The following DPP10 variants were observed in gnomAD, a reference collection of about 807,000 sequenced individuals.
DPP10 encodes the protein dipeptidyl peptidase like 10.
DPP10 carries 33 observed loss-of-function variants against 120.9 expected under a neutral mutation model. That is an observed-to-expected ratio of 0.27 (90% confidence interval 0.21 to 0.37). The LOEUF (loss-of-function observed/expected upper bound fraction) is 0.37, where lower values mean the gene tolerates loss of function less well. Among genes scored for constraint, DPP10 ranks in the 10% least tolerant of loss-of-function variants. The probability of loss-of-function intolerance (pLI) is 1.00; values close to 1 mark genes in which losing one functional copy is unlikely to be tolerated. For missense variants in DPP10, 816 were observed against 942.8 expected (o/e 0.87, Z 1.76); for synonymous variants, 337 against 326.1 (o/e 1.03, Z -0.36).
At chr2:115,289,875 A>G (rs2060583301) in intron 1 of DPP10, among the ~76,000 whole-genome samples, 1 of 152,162 alleles carries the variant, frequency 6.6e-6, no homozygotes, top group Non-Finnish European at 1.5e-5. Flanking sequence ...TAAACCTAAG[A>G]CCTGAAACCT....
chr2:115,736,966 T>C (rs1201946289), intron 8 of DPP10, among the ~76,000 whole-genome samples: 1 of 152,164 alleles, frequency 6.6e-6, no homozygotes, highest in Non-Finnish European at 1.5e-5. Flanking sequence ...GATGTTTCCA[T>C]GCCTGAAACT....
chr2:115,381,888 C>T (rs1231545137), intron 3 of DPP10, among the ~76,000 whole-genome samples: 1 of 147,598 alleles, frequency 6.8e-6, no homozygotes, highest in Non-Finnish European at 1.5e-5. Context: ...CAGGGACCCA[C>T]TTGAGGAGGC....
chr2:114,974,184 A>C (rs1284346732), intron 1 of DPP10, among the ~76,000 whole-genome samples: 1 of 152,134 alleles, frequency 6.6e-6, no homozygotes, highest in African/African-American at 2.4e-5. Context: ...CCTCTCGTTC[A>C]CTCACAACTT....
intron 3 of DPP10, among the ~76,000 whole-genome samples, chr2:115,409,203 A>G (rs2068752759): frequency 6.6e-6 from 1 of 152,202 alleles, no homozygotes; most frequent in Non-Finnish European, 1.5e-5. Context: ...CTTTATTCCA[A>G]TAACTGTGAA....
chr2:114,658,794 C>G (rs1183845687), intron 1 of DPP10, among the ~76,000 whole-genome samples: 1 of 152,140 alleles, frequency 6.6e-6, no homozygotes, highest in Admixed American at 6.5e-5. Context: ...ATTATATCTT[C>G]TGGAATGTGA....
chr2:114,778,816 G>A (rs1682002554), intron 1 of DPP10, among the ~76,000 whole-genome samples: 1 of 152,026 alleles, frequency 6.6e-6, no homozygotes, highest in African/African-American at 2.4e-5. Flanking sequence ...GATTTGATGA[G>A]TCTTGCCAGC....
rs151077182 is a variant in DPP10, at chr2:114,777,535, A to G, written c.60+334697A>G. Among the ~76,000 whole-genome samples the G allele has an allele frequency of 6.4e-3, 974 of 152,242 alleles. 17 individuals are homozygous for G. Among genetic ancestry groups the G allele is most frequent in the African/African-American group, 0.021 (880 of 41,568 alleles). On this transcript the variant is annotated intron_variant, in intron 1 of 25. Coordinates refer to ENST00000410059, the MANE Select transcript of DPP10 (RefSeq NM_020868.6). ...TATGCCACTTGTTACAGTCATAAAC[A>G]GCAAGGAAAGAAGGAAGTTTGACCA...
intron 1 of DPP10, among the ~76,000 whole-genome samples, chr2:114,617,614 T>G (rs943783136): frequency 1.3e-5 from 2 of 152,062 alleles, no homozygotes; most frequent in Non-Finnish European, 2.9e-5. Flanking sequence ...TTGTTTTTAG[T>G]GTTCTCCAAT....
intron 1 of DPP10, among the ~76,000 whole-genome samples, chr2:115,246,276 G>A (rs140717293): frequency 6.6e-6 from 1 of 152,178 alleles, no homozygotes; most frequent in African/African-American, 2.4e-5. Flanking sequence ...CTGGCTAGAC[G>A]ACAATAATGA....
chr2:115,464,814 G>A (rs1042553856), intron 3 of DPP10, among the ~76,000 whole-genome samples: 5 of 152,116 alleles, frequency 3.3e-5, no homozygotes, highest in South Asian at 2.1e-4. Context: ...TGAGCTAGAG[G>A]AGGGAGAGAG....
At chr2:115,750,767 C>G (rs1294538524) in intron 10 of DPP10, among the ~76,000 whole-genome samples, 1 of 151,844 alleles carries the variant, frequency 6.6e-6, no homozygotes, top group Non-Finnish European at 1.5e-5. Context: ...AGATTAAGTT[C>G]TTTTTTTTAA....
intron 1 of DPP10, among the ~76,000 whole-genome samples, chr2:115,142,233 G>C (rs746626891): frequency 1.3e-5 from 2 of 152,046 alleles, no homozygotes; most frequent in African/African-American, 4.8e-5. Context: ...TATAATCCAG[G>C]GCTTTGCAAA....
chr2:115,055,330 C>G lies in DPP10; in HGVS notation c.61-253909C>G, dbSNP rs185075949. ...GAGCTATGCAACTCAACACAAGAAG[C>G]AATACTAATAAAACTTACTCCAAAG... On this transcript the variant is annotated intron_variant, in intron 1 of 25. Coordinates refer to ENST00000410059, the MANE Select transcript of DPP10 (RefSeq NM_020868.6). 7.2e-5 allele frequency among the ~76,000 whole-genome samples: 11 copies of G among 152,204 alleles called. No homozygotes were observed. The East Asian group carries it at 1.9e-3, about 27-fold the overall frequency.
chr2:114,568,162 T>A (rs1020500661), intron 1 of DPP10, among the ~76,000 whole-genome samples: 2 of 151,884 alleles, frequency 1.3e-5, no homozygotes, highest in African/African-American at 4.8e-5. Context: ...TTCCCCATAG[T>A]TTTTTTTCTT....
At chr2:114,540,816 C>T (rs1421176534) in intron 1 of DPP10, among the ~76,000 whole-genome samples, 2 of 152,158 alleles carry the variant, frequency 1.3e-5, no homozygotes, top group Middle Eastern at 3.2e-3. Flanking sequence ...GCTTATACGC[C>T]TCCTGCTCCC....
intron 13 of DPP10, among the ~76,000 whole-genome samples, chr2:115,773,668 T>TTCTTTCCTGCTTTGTTAAGTGA (rs1412049007): frequency 3.9e-5 from 6 of 152,092 alleles, no homozygotes; most frequent in African/African-American, 1.4e-4. Flanking sequence ...AAAAATGCTG[T>TTCTTTCCTGCTTTGTTAAGTGA]TCTTTCCTGC....
intron 1 of DPP10, among the ~76,000 whole-genome samples, chr2:114,712,798 C>T (rs571853378): frequency 6.6e-6 from 1 of 152,054 alleles, no homozygotes; most frequent in Non-Finnish European, 1.5e-5. Flanking sequence ...TATACAAACA[C>T]ATACACTTCT....
chr2:115,574,096 C>T (rs1575216398), intron 5 of DPP10, among the ~76,000 whole-genome samples: 1 of 152,116 alleles, frequency 6.6e-6, no homozygotes, highest in Non-Finnish European at 1.5e-5. Context: ...GCAGGAACCA[C>T]GGTGTCACTT....
At chr2:114,481,714 C>T (rs1681063248) in intron 1 of DPP10, among the ~76,000 whole-genome samples, 1 of 152,038 alleles carries the variant, frequency 6.6e-6, no homozygotes, top group Non-Finnish European at 1.5e-5. Context: ...CTGTATTAGT[C>T]CGTTTTCACA....
Sources: allele counts gnomAD v4.1 joint callset (sites outside exome capture counted in the v4.1 genomes callset), GRCh38; gene constraint gnomAD v4.1.1; transcripts MANE v1.5; gene names NCBI Gene and HGNC (gene_info 2026-07-23, HGNC 2026-07-21).